The following NAV2 variants were observed in gnomAD, a reference collection of about 807,000 sequenced individuals.
The protein encoded by NAV2 is helicase, APC down-regulated 1.
Under a neutral mutation model 223.2 loss-of-function variants are expected in NAV2, and 54 were observed. That is an observed-to-expected ratio of 0.24 (90% confidence interval 0.19 to 0.30). The LOEUF is 0.30. Ranked by LOEUF, NAV2 falls within the 10% of genes least tolerant of loss-of-function variation. NAV2 has a pLI of 1.00. For missense variants in NAV2, 2,806 were observed against 3,147.5 expected (o/e 0.89, Z 2.60); for synonymous variants, 1,279 against 1,239.3 (o/e 1.03, Z -0.67).
intron 1 of NAV2, among the ~76,000 whole-genome samples, chr11:19,807,195 AT>A (rs2152798533): frequency 6.6e-6 from 1 of 152,360 alleles, no homozygotes; most frequent in East Asian, 1.9e-4. Flanking sequence ...TCCCATGGTC[AT>A]GATAATTTGC....
At chr11:20,082,725 A>G (rs2060167914) in intron 25 of NAV2, 2 of 1,025,924 alleles carry the variant, frequency 1.9e-6, no homozygotes, top group African/African-American at 1.6e-5. Context: ...CATCTTCCCA[A>G]CATCCATCTG....
At chr11:19,864,265 TC>T (rs2061962186) in intron 3 of NAV2, among the ~76,000 whole-genome samples, 1 of 152,222 alleles carries the variant, frequency 6.6e-6, no homozygotes, top group South Asian at 2.1e-4. Flanking sequence ...CAGAATGTCA[TC>T]TTCCCCTAGG....
intron 1 of NAV2, among the ~76,000 whole-genome samples, chr11:19,555,168 G>A (rs1241092013): frequency 1.3e-5 from 2 of 152,224 alleles, no homozygotes; most frequent in African/African-American, 4.8e-5. Flanking sequence ...ATTGGGGCAT[G>A]TCCTGGTAAT....
intron 26 of NAV2, among the ~76,000 whole-genome samples, chr11:20,088,376 G>A (rs1447697112): frequency 6.6e-5 from 10 of 152,296 alleles, no homozygotes; most frequent in East Asian, 3.9e-4. Flanking sequence ...TAGTAGAGAC[G>A]GGGTTTCGCC....
chr11:19,706,469 A>G (rs2049666012), intron 1 of NAV2, among the ~76,000 whole-genome samples: 14 of 152,198 alleles, frequency 9.2e-5, no homozygotes. Flanking sequence ...CTGATTTATC[A>G]TTGTATATTT....
intron 1 of NAV2, among the ~76,000 whole-genome samples, chr11:19,639,728 C>G (rs185397111): frequency 1.6e-4 from 24 of 152,338 alleles, no homozygotes; most frequent in Admixed American, 1.5e-3. Context: ...TCCTGAGTGT[C>G]TCACTCACAG....
At chr11:19,917,762 G>A (rs1425772181) in intron 6 of NAV2, among the ~76,000 whole-genome samples, 2 of 152,100 alleles carry the variant, frequency 1.3e-5, no homozygotes, top group Non-Finnish European at 2.9e-5. Flanking sequence ...ACAGGTACTC[G>A]CCACTACCCC....
At chr11:19,345,476 T>C in the NAV2 span, among the ~76,000 whole-genome samples, 3 of 152,216 alleles carry the variant, frequency 2.0e-5, no homozygotes, top group South Asian at 4.1e-4. This position sits in a 1 kb window ranked among gnomAD's most constrained non-coding sequence, Gnocchi z 5.2. Flanking sequence ...GGGACTGCCG[T>C]TGGGGAGAGG....
intron 1 of NAV2, among the ~76,000 whole-genome samples, chr11:19,479,218 G>A (rs1183513173): frequency 1.3e-5 from 2 of 152,098 alleles, no homozygotes; most frequent in Non-Finnish European, 2.9e-5. Context: ...AATGATGAGA[G>A]TCTGGAAGCT....
chr11:20,002,677 A>C (rs1349335730), intron 11 of NAV2, among the ~76,000 whole-genome samples: 1 of 152,138 alleles, frequency 6.6e-6, no homozygotes, highest in Non-Finnish European at 1.5e-5. Context: ...CCTATCGTTG[A>C]AGGCCAACCA....
At chr11:19,629,251 C>T (rs1238632255) in intron 1 of NAV2, among the ~76,000 whole-genome samples, 1 of 152,056 alleles carries the variant, frequency 6.6e-6, no homozygotes, top group Non-Finnish European at 1.5e-5. Context: ...TCCCAGAGAA[C>T]AAGACCAAAA....
At chr11:19,574,019 T>A (rs1256362026) in intron 1 of NAV2, among the ~76,000 whole-genome samples, 1 of 152,214 alleles carries the variant, frequency 6.6e-6, no homozygotes, top group African/African-American at 2.4e-5. Flanking sequence ...CCTGGAGAGC[T>A]GGCTGCAAGG....
rs762601337 is a variant in NAV2, at chr11:20,080,193, A to C, written c.5309A>C (p.Lys1770Thr). ...GSNIESDSKK[K>T]KRKNWLRSSF... ...AACATAGAGAGTGACTCAAAGAAGA[A>C]GAAGCGGAAGAACTGGGTGAGTGCA... is the stretch of plus-strand genomic sequence containing the variant. The change falls in exon 25 of 38, where the codon AAG becomes ACG. Residue 1770 changes from lysine (K) to threonine (T), a missense_variant. Lys to Thr is a moderately conservative substitution (Grantham distance 78). Transcript: ENST00000349880. 1.9e-6 allele frequency: 3 copies of C among 1,613,684 alleles called. No homozygotes were observed. The highest frequency in any genetic ancestry group is 2.5e-6 in the Non-Finnish European group (3 of 1,179,700).
intron 26 of NAV2, among the ~76,000 whole-genome samples, chr11:20,088,135 G>T (rs1256956823): frequency 6.6e-6 from 1 of 152,174 alleles, no homozygotes; most frequent in Non-Finnish European, 1.5e-5. Context: ...TGGGCATTAG[G>T]ATTAGGGACT....
intron 1 of NAV2, among the ~76,000 whole-genome samples, chr11:19,471,046 T>G (rs2041948730): frequency 6.6e-6 from 1 of 152,196 alleles, no homozygotes; most frequent in African/African-American, 2.4e-5. Context: ...CTCTTTCTAA[T>G]GAAGGACCAT....
At chr11:19,620,220 T>C (rs1406122950) in intron 1 of NAV2, among the ~76,000 whole-genome samples, 13 of 152,272 alleles carry the variant, frequency 8.5e-5, no homozygotes, top group Non-Finnish European at 1.3e-4. Context: ...TTCTTTTGGC[T>C]TAGGATTGAC....
chr11:19,949,117 A>G (rs1484108045), intron 10 of NAV2, 37 bp downstream of exon 10: 4 of 1,542,286 alleles, frequency 2.6e-6, no homozygotes, highest in Admixed American at 4.0e-5. Flanking sequence ...CCAGAGAGAA[A>G]GAGGGCTTGG....
intron 11 of NAV2, among the ~76,000 whole-genome samples, chr11:20,000,905 C>T (rs1480426094): frequency 2.0e-5 from 3 of 152,144 alleles, no homozygotes; most frequent in Admixed American, 1.3e-4. Context: ...CTGCTGTGCC[C>T]GTCCTGTTAC....
At chr11:19,395,481 A>G (rs1388141006) in intron 1 of NAV2, among the ~76,000 whole-genome samples, 1 of 152,252 alleles carries the variant, frequency 6.6e-6, no homozygotes, top group Non-Finnish European at 1.5e-5. Flanking sequence ...TGTACAGGGC[A>G]GTACCTGTAG....
Sources: gnomAD v4.1 joint callset for allele counts (sites outside exome capture counted in the v4.1 genomes callset) on GRCh38, gnomAD v4.1.1 for gene constraint, Gnocchi (gnomAD v3.1) non-coding constraint, MANE v1.5 for transcripts, NCBI Gene and HGNC (gene_info 2026-07-23, HGNC 2026-07-21) for gene names.